CNTN5: variants seen among roughly 807,000 people sequenced by gnomAD.
CNTN5 encodes the protein contactin-5.
In CNTN5, 77 loss-of-function variants were observed where a neutral mutation model predicts 129.1. The ratio of observed to expected loss-of-function variants is 0.60; its 90% CI spans 0.50 to 0.72. The LOEUF (loss-of-function observed/expected upper bound fraction) is 0.72, where lower values mean the gene tolerates loss of function less well. Ranked by LOEUF, CNTN5 falls within the 30% of genes least tolerant of loss-of-function variation. The pLI is 0.00. For synonymous variants in CNTN5, 509 were observed against 465.6 expected, an observed-to-expected ratio of 1.09 and a Z score of -1.20; for missense variants, 1,478 against 1,328.8, an observed-to-expected ratio of 1.11 and a Z score of -1.75.
At chr11:99,629,466 T>C (rs1422820643) in intron 3 of CNTN5, among the ~76,000 whole-genome samples, 1 of 152,078 alleles carries the variant, frequency 6.6e-6, no homozygotes, top group East Asian at 1.9e-4. Context: ...ATGGTCTTAT[T>C]ATCCTACAGT....
chr11:100,141,563 T>G (rs1486325826), intron 13 of CNTN5, among the ~76,000 whole-genome samples: 1 of 152,130 alleles, frequency 6.6e-6, no homozygotes, highest in Non-Finnish European at 1.5e-5. Flanking sequence ...TTGTTATAAT[T>G]TTGTAGCAGT....
At chr11:99,146,791 G>T (rs1272709372) in intron 1 of CNTN5, among the ~76,000 whole-genome samples, 1 of 152,012 alleles carries the variant, frequency 6.6e-6, no homozygotes, top group Non-Finnish European at 1.5e-5. Flanking sequence ...GCATGATCAA[G>T]ACTCACTGCA....
intron 3 of CNTN5, among the ~76,000 whole-genome samples, chr11:99,628,408 G>T (rs1161244396): frequency 1.3e-5 from 2 of 151,976 alleles, no homozygotes; most frequent in Non-Finnish European, 2.9e-5. Flanking sequence ...TTATGCCAGT[G>T]TTAAAGTAAA....
chr11:99,884,261 A>T (rs917056981), intron 6 of CNTN5, among the ~76,000 whole-genome samples: 12 of 152,234 alleles, frequency 7.9e-5, no homozygotes, highest in Admixed American at 2.6e-4. Flanking sequence ...TCAAAGAGAA[A>T]AAATATTAGA....
At chr11:99,355,042 C>T (rs2136091827) in intron 2 of CNTN5, among the ~76,000 whole-genome samples, 1 of 152,288 alleles carries the variant, frequency 6.6e-6, no homozygotes, top group Admixed American at 6.5e-5. Context: ...ACCTTAATCA[C>T]TGGTAATTTT....
intron 1 of CNTN5, among the ~76,000 whole-genome samples, chr11:99,307,183 C>T (rs1249470201): frequency 1.3e-5 from 2 of 152,138 alleles, no homozygotes; most frequent in Non-Finnish European, 2.9e-5. Flanking sequence ...AAAATCAAGG[C>T]TAATGTTCAG....
chr11:99,448,953 G>A (rs1944189914), intron 2 of CNTN5, among the ~76,000 whole-genome samples: 1 of 150,960 alleles, frequency 6.6e-6, no homozygotes, highest in African/African-American at 2.4e-5. Flanking sequence ...GCTAATTTTT[G>A]TGTTTTTTAT....
intron 4 of CNTN5, among the ~76,000 whole-genome samples, chr11:99,826,064 G>A (rs1265067312): frequency 6.6e-6 from 1 of 152,016 alleles, no homozygotes; most frequent in South Asian, 2.1e-4. Flanking sequence ...GTACTTTGGA[G>A]TATCGTAAGC....
chr11:99,203,020 AGGC>A (rs1331763145), intron 1 of CNTN5, among the ~76,000 whole-genome samples: 2 of 152,022 alleles, frequency 1.3e-5, no homozygotes, highest in East Asian at 3.9e-4. Context: ...GAAGGAAAGA[AGGC>A]AGGCAGAGAG....
chr11:99,316,113 G>A (rs1357116024), intron 1 of CNTN5, among the ~76,000 whole-genome samples: 1 of 152,096 alleles, frequency 6.6e-6, no homozygotes, highest in East Asian at 1.9e-4. Flanking sequence ...AACGCGGGTA[G>A]CAGATGTCCT....
At chr11:99,454,711 A>G (rs1944433351) in intron 2 of CNTN5, among the ~76,000 whole-genome samples, 4 of 152,190 alleles carry the variant, frequency 2.6e-5, no homozygotes. Context: ...GTGTGAAAAC[A>G]GACTAATACA....
At chr11:100,133,199 A>G (rs893143547) in intron 13 of CNTN5, among the ~76,000 whole-genome samples, 21 of 152,138 alleles carry the variant, frequency 1.4e-4, no homozygotes, top group African/African-American at 4.8e-4. Flanking sequence ...CAACTTACAT[A>G]TGCAGTTAAT....
intron 1 of CNTN5, among the ~76,000 whole-genome samples, chr11:99,319,535 C>A (rs1319731948): frequency 6.6e-6 from 1 of 152,148 alleles, no homozygotes; most frequent in Admixed American, 6.5e-5. Context: ...CCCACTGGAC[C>A]ATAATGTTTA....
At chr11:99,291,373 T>C (rs1864164386) in intron 1 of CNTN5, among the ~76,000 whole-genome samples, 1 of 151,832 alleles carries the variant, frequency 6.6e-6, no homozygotes, top group South Asian at 2.1e-4. Context: ...ACAACACTGG[T>C]AGATAAACAT....
At chr11:99,402,305 TTTATAGTACCAA>T (rs1941854743) in intron 2 of CNTN5, among the ~76,000 whole-genome samples, 1 of 152,326 alleles carries the variant, frequency 6.6e-6, no homozygotes, top group Non-Finnish European at 1.5e-5. Flanking sequence ...TCAAATGCTT[TTTATAGTACCAA>T]TTAAAATGAT....
intron 4 of CNTN5, among the ~76,000 whole-genome samples, chr11:99,840,746 T>A (rs1233215783): frequency 6.6e-6 from 1 of 152,144 alleles, no homozygotes; most frequent in African/African-American, 2.4e-5. Context: ...AGAGTTTAAT[T>A]AATTGGCTAT....
intron 2 of CNTN5, among the ~76,000 whole-genome samples, chr11:99,525,381 GT>G (rs1367306703): frequency 6.6e-6 from 1 of 151,962 alleles, no homozygotes; most frequent in Non-Finnish European, 1.5e-5. Context: ...TTATAAGTAC[GT>G]ACTAAGTACA....
At chr11:100,046,856 A>G (rs1470120116) in intron 9 of CNTN5, among the ~76,000 whole-genome samples, 1 of 152,192 alleles carries the variant, frequency 6.6e-6, no homozygotes, top group Non-Finnish European at 1.5e-5. Context: ...GTGATCCCTC[A>G]GAGAATAAAA....
chr11:100,160,060 T>C (rs907263898), intron 13 of CNTN5, among the ~76,000 whole-genome samples: 1 of 151,900 alleles, frequency 6.6e-6, no homozygotes, highest in African/African-American at 2.4e-5. Flanking sequence ...CCTAATGCTA[T>C]TCCCTCCCCT....
Sources: gnomAD v4.1 joint callset for allele counts (sites outside exome capture counted in the v4.1 genomes callset) on GRCh38, gnomAD v4.1.1 for gene constraint, MANE v1.5 for transcripts, NCBI Gene and HGNC (gene_info 2026-07-23, HGNC 2026-07-21) for gene names.